The following COX10 variants were observed in gnomAD, a reference collection of about 807,000 sequenced individuals.
COX10 encodes the protein cytochrome c oxidase assembly factor heme A:farnesyltransferase COX10.
Under a neutral mutation model 37.3 loss-of-function variants are expected in COX10, and 27 were observed. The observed-to-expected ratio is 0.72, with a 90% CI of 0.53 to 1.00. The LOEUF is 1.00. COX10 is among the 50% of genes least tolerant of loss of function. The pLI, the probability that COX10 is intolerant of heterozygous loss-of-function variation, is 0.00. For synonymous variants in COX10, 222 were observed against 229.1 expected, an observed-to-expected ratio of 0.97 and a Z score of 0.28; for missense variants, 475 against 563.2, an observed-to-expected ratio of 0.84 and a Z score of 1.59.
At chr17:14,168,384 T>TCAGTGGATCTACCATTCTGA (rs1390103307) in intron 5 of COX10, among the ~76,000 whole-genome samples, 27 of 152,200 alleles carry the variant, frequency 1.8e-4, no homozygotes, top group African/African-American at 6.3e-4. Flanking sequence ...GTGCAAGCTG[T>TCAGTGGATCTACCATTCTGA]CAGTGGATCT....
chr17:14,124,456 G>A (rs1916293002), intron 4 of COX10, among the ~76,000 whole-genome samples: 1 of 152,066 alleles, frequency 6.6e-6, no homozygotes, highest in African/African-American at 2.4e-5. Flanking sequence ...ACTCAGAGTA[G>A]GTTATTTTTT....
chr17:14,173,568 G>T (rs921868574), intron 5 of COX10, among the ~76,000 whole-genome samples: 2 of 152,238 alleles, frequency 1.3e-5, no homozygotes, highest in Admixed American at 6.5e-5. Flanking sequence ...GCCAGCTGTA[G>T]AGGGAAGGAT....
At chr17:14,118,704 T>C (rs1304734714) in intron 4 of COX10, among the ~76,000 whole-genome samples, 1 of 152,154 alleles carries the variant, frequency 6.6e-6, no homozygotes, top group Non-Finnish European at 1.5e-5. Context: ...GCTACTTTTT[T>C]CCTGATCTTG....
At chr17:14,147,403 A>G (rs1291172139) in intron 4 of COX10, among the ~76,000 whole-genome samples, 1 of 152,128 alleles carries the variant, frequency 6.6e-6, no homozygotes, top group Non-Finnish European at 1.5e-5. Flanking sequence ...GGCACAGAAA[A>G]ACAAACATTG....
chr17:14,154,310 TA>T lies in COX10; in HGVS notation c.625-5562del, dbSNP rs1904985674. On this transcript the variant is annotated intron_variant, in intron 4 of 6. Transcript: ENST00000261643. The stretch of plus-strand genomic sequence containing the variant: ...TATACCTTAATGAAGTTATGACTGT[TA>T]AAAAGAGATTGGCTCTAACAATGGA... Among the ~76,000 whole-genome samples the T allele has an allele frequency of 3.3e-5, 5 of 152,342 alleles. No homozygotes were observed. The South Asian group carries it at 1.0e-3, about 32-fold the overall frequency.
In COX10 at chr17:14,208,467, C is replaced by T. The variant is rs923643911; in HGVS notation, c.*1254C>T. 3.9e-5 allele frequency: 6 copies of T among 152,186 alleles called. No homozygotes were observed. Among genetic ancestry groups the T allele is most frequent in the Admixed American group, 1.3e-4 (2 of 15,284 alleles). The allele number at this position is 152,186 out of a possible 1,614,324, so 9.4% of individuals were successfully genotyped here. Reference sequence around the variant, plus strand: ...TTAAACAACATTTAAACAGAGTTCTCTCAAAAATGTCTAAAGGGATTGTAG... The same window carrying T: ...TTAAACAACATTTAAACAGAGTTCTTTCAAAAATGTCTAAAGGGATTGTAG... On this transcript the variant is annotated 3_prime_UTR_variant, in exon 7 of 7. Transcript: ENST00000261643.
At chr17:14,174,551 C>A (rs1349402663) in intron 5 of COX10, among the ~76,000 whole-genome samples, 5 of 151,772 alleles carry the variant, frequency 3.3e-5, no homozygotes. Context: ...TTTTCAACGT[C>A]AGTAATCATA....
At chr17:14,141,847 G>A (rs146927464) in intron 4 of COX10, among the ~76,000 whole-genome samples, 2,154 of 152,102 alleles carry the variant, frequency 0.014, 18 homozygotes, top group African/African-American at 0.027. Flanking sequence ...TCACTGCCTC[G>A]CATAAGAGTA....
chr17:14,102,757 C>T (rs1467580320), intron 4 of COX10, among the ~76,000 whole-genome samples: 2 of 152,102 alleles, frequency 1.3e-5, no homozygotes, highest in African/African-American at 2.4e-5. Flanking sequence ...TAATACATCC[C>T]CCCCTATTAT....
chr17:14,183,087 C>T (rs1905915478), intron 5 of COX10, among the ~76,000 whole-genome samples: 1 of 147,646 alleles, frequency 6.8e-6, no homozygotes, highest in South Asian at 2.2e-4. Context: ...CAATTTTTCC[C>T]CACTCTCAAT....
chr17:14,081,813 G>A (rs1192501729), intron 3 of COX10, among the ~76,000 whole-genome samples: 1 of 152,132 alleles, frequency 6.6e-6, no homozygotes, highest in African/African-American at 2.4e-5. Context: ...ACTGGCATTT[G>A]GATTTGCTGC....
chr17:14,113,340 A>G (rs1352016852), intron 4 of COX10, among the ~76,000 whole-genome samples: 1 of 151,940 alleles, frequency 6.6e-6, no homozygotes, highest in East Asian at 1.9e-4. Context: ...CTTCACTCTC[A>G]TACCCAACAA....
At chr17:14,166,491 T>G (rs1905286887) in intron 5 of COX10, among the ~76,000 whole-genome samples, 1 of 152,184 alleles carries the variant, frequency 6.6e-6, no homozygotes, top group Non-Finnish European at 1.5e-5. Flanking sequence ...ATATTACTGC[T>G]TATTGACAAT....
chr17:14,168,098 G>A (rs896200203), intron 5 of COX10, among the ~76,000 whole-genome samples: 1 of 152,212 alleles, frequency 6.6e-6, no homozygotes, highest in Non-Finnish European at 1.5e-5. Flanking sequence ...GAGGGTACAG[G>A]CATTGGCTAA....
intron 4 of COX10, among the ~76,000 whole-genome samples, chr17:14,111,919 A>G (rs952242973): frequency 1.3e-5 from 2 of 152,180 alleles, no homozygotes; most frequent in Admixed American, 6.6e-5. Flanking sequence ...TTAAGAACAT[A>G]CCATAAGACC....
At chr17:14,093,914 A>T (rs1915584247) in intron 3 of COX10, among the ~76,000 whole-genome samples, 1 of 152,190 alleles carries the variant, frequency 6.6e-6, no homozygotes, top group African/African-American at 2.4e-5. Context: ...CTGGCTGGGC[A>T]TGGTGGCCCA....
At chr17:14,202,327 C>T (rs1010529898) in intron 6 of COX10, among the ~76,000 whole-genome samples, 3 of 151,460 alleles carry the variant, frequency 2.0e-5, no homozygotes, top group Non-Finnish European at 2.9e-5. Flanking sequence ...CAGGCTCAAG[C>T]GATCCTCCCT....
intron 5 of COX10, among the ~76,000 whole-genome samples, chr17:14,160,631 G>A (rs1437460844): frequency 6.6e-6 from 1 of 152,052 alleles, no homozygotes; most frequent in Non-Finnish European, 1.5e-5. Flanking sequence ...AATTTATTGT[G>A]ATAACACTTG....
chr17:14,115,695 A>G (rs766338739), intron 4 of COX10, among the ~76,000 whole-genome samples: 10 of 152,230 alleles, frequency 6.6e-5, no homozygotes, highest in Non-Finnish European at 1.5e-4. Flanking sequence ...CTATTCAGCC[A>G]TTAAAAAGAA....
Sources: gnomAD v4.1 joint callset for allele counts (sites outside exome capture counted in the v4.1 genomes callset) on GRCh38, gnomAD v4.1.1 for gene constraint, MANE v1.5 for transcripts, NCBI Gene and HGNC (gene_info 2026-07-23, HGNC 2026-07-21) for gene names.